SLC44A3: variants seen among roughly 807,000 people sequenced by gnomAD.
SLC44A3 encodes solute carrier family 44 member 3, also known as choline transporter-like protein 3.
SLC44A3 carries 74 observed loss-of-function variants against 75.4 expected under a neutral mutation model. That is an observed-to-expected ratio of 0.98 (90% CI 0.81 to 1.19). The LOEUF (loss-of-function observed/expected upper bound fraction) is 1.19, where lower values mean the gene tolerates loss of function less well. Among genes scored for constraint, SLC44A3 ranks in the 50% most tolerant of loss-of-function variants. The probability of loss-of-function intolerance (pLI) is 0.00; values close to 1 mark genes in which losing one functional copy is unlikely to be tolerated. For synonymous variants in SLC44A3, 310 were observed against 296.9 expected, an observed-to-expected ratio of 1.04 and a Z score of -0.45; for missense variants, 700 against 778.6, an observed-to-expected ratio of 0.90 and a Z score of 1.20.
At chr1:94,882,602 T>G (rs1669125152) in intron 12 of SLC44A3, among the ~76,000 whole-genome samples, 1 of 152,138 alleles carries the variant, frequency 6.6e-6, no homozygotes, top group South Asian at 2.1e-4. Context: ...AAGGTGACAC[T>G]TCGACACGGT....
Position 94,846,146 on chromosome 1 carries a change from C to CAAAA in SLC44A3, c.1072+696_1072+699dup, listed in dbSNP as rs66647106. On this transcript the variant is annotated intron_variant, in intron 9 of 14. Coordinates refer to ENST00000271227, the MANE Select transcript of SLC44A3 (RefSeq NM_001114106.3). The stretch of plus-strand genomic sequence containing the variant: ...TGGGTGACAGAGCAAGACTCTGTCT[C>CAAAA]AAAAAAAAAAAAAAAAAGTGTTATG... 1.1e-3 allele frequency among the ~76,000 whole-genome samples: 130 copies of CAAAA among 120,194 alleles called. 3 individuals carry two copies. Among genetic ancestry groups the CAAAA allele is most frequent in the African/African-American group, 3.7e-3 (118 of 31,508 alleles). The allele number at this position is 120,194 out of a possible 152,430, so 78.9% of individuals were successfully genotyped here. A position where few individuals can be genotyped will look rare whatever the true frequency, so the allele number is the denominator to read the frequency against.
intron 12 of SLC44A3, among the ~76,000 whole-genome samples, chr1:94,873,455 A>G (rs1048630296): frequency 3.3e-5 from 5 of 152,190 alleles, no homozygotes; most frequent in Non-Finnish European, 7.3e-5. Context: ...CAAGGCAGAG[A>G]AAAACCTGCT....
At chr1:94,891,607 C>T (rs1670220053) in intron 13 of SLC44A3, among the ~76,000 whole-genome samples, 1 of 152,074 alleles carries the variant, frequency 6.6e-6, no homozygotes, top group African/African-American at 2.4e-5. Context: ...GTGGGTTTCT[C>T]ATTAAGAATA....
chr1:94,886,183 G>A (rs1286425714), intron 12 of SLC44A3, among the ~76,000 whole-genome samples: 1 of 152,174 alleles, frequency 6.6e-6, no homozygotes, highest in Admixed American at 6.5e-5. Flanking sequence ...AGGCATTGTG[G>A]AGGTGCTTGG....
intron 9 of SLC44A3, among the ~76,000 whole-genome samples, chr1:94,847,731 G>C (rs964944479): frequency 1.3e-5 from 2 of 152,184 alleles, no homozygotes; most frequent in Non-Finnish European, 2.9e-5. Flanking sequence ...TGTCCCCCAG[G>C]CATCACAGTC....
intron 2 of SLC44A3, among the ~76,000 whole-genome samples, chr1:94,822,887 G>A (rs1660811243): frequency 6.6e-6 from 1 of 152,048 alleles, no homozygotes. Flanking sequence ...TTTGAAATTA[G>A]GACAATGAAG....
At chr1:94,871,248 G>A (rs1448385181) in intron 12 of SLC44A3, among the ~76,000 whole-genome samples, 1 of 152,194 alleles carries the variant, frequency 6.6e-6, no homozygotes, top group Non-Finnish European at 1.5e-5. Context: ...GACGGGAAAG[G>A]TGAAGGAGCA....
intron 8 of SLC44A3, among the ~76,000 whole-genome samples, chr1:94,843,884 G>T (rs368514127): frequency 4.7e-5 from 7 of 148,886 alleles, no homozygotes; most frequent in South Asian, 2.2e-4. Flanking sequence ...GGGGTGGGGG[G>T]GGTGGTCAGG....
At chr1:94,891,008 T>G (rs1571487686) in intron 12 of SLC44A3, 122 bp from the exon 13 acceptor site, 1 of 724,568 alleles carries the variant, frequency 1.4e-6, no homozygotes, top group East Asian at 2.8e-5. Context: ...AAAATGGTAT[T>G]TGTTATGGGT....
intron 14 of SLC44A3, 86 bp from the exon 15 acceptor site, chr1:94,894,721 AACCGTCAGAGG>A: frequency 1.0e-6 from 1 of 959,284 alleles, no homozygotes; most frequent in Non-Finnish European, 1.6e-6. Context: ...TTCTTCAGCA[AACCGTCAGAGG>A]GCAAAGGAGA....
intron 12 of SLC44A3, among the ~76,000 whole-genome samples, chr1:94,874,045 G>A (rs543463427): frequency 1.3e-5 from 2 of 152,256 alleles, no homozygotes; most frequent in East Asian, 3.9e-4. Flanking sequence ...GAGATGCCTC[G>A]TGTGTGCGTG....
At chr1:94,838,050 GC>G (rs1663057967) in intron 6 of SLC44A3, among the ~76,000 whole-genome samples, 179 bp downstream of exon 6, 1 of 152,374 alleles carries the variant, frequency 6.6e-6, no homozygotes, top group South Asian at 2.1e-4. Flanking sequence ...TAGAGGAGCG[GC>G]TGGCCCTCTG....
In SLC44A3 at chr1:94,845,603, G is replaced by A. The variant is rs552133933; in HGVS notation, c.1072+139G>A. ...TGATGACAGCAGCGTTGGTGCTTGG[G>A]GCTCTGTCATGGGGAAAAGTGGGAA... On this transcript the variant is annotated intron_variant, in intron 9 of 14. Coordinates refer to ENST00000271227, the MANE Select transcript of SLC44A3 (RefSeq NM_001114106.3). The A allele has an allele frequency of 5.6e-6, 4 of 716,810 alleles. No homozygotes were observed. In the South Asian group the frequency reaches 8.9e-5, roughly 16 times the overall value. 44.4% of individuals were successfully genotyped at this position (716,810 alleles called of 1,614,324 possible).
intron 3 of SLC44A3, 127 bp downstream of exon 3, chr1:94,824,762 G>C (rs1297090931): frequency 8.6e-7 from 1 of 1,156,732 alleles, no homozygotes; most frequent in Non-Finnish European, 1.2e-6. Flanking sequence ...AAAAAGGAAG[G>C]CTGTGTATAT....
At chr1:94,847,219 A>G (rs907044517) in intron 9 of SLC44A3, among the ~76,000 whole-genome samples, 2 of 152,254 alleles carry the variant, frequency 1.3e-5, no homozygotes, top group Non-Finnish European at 2.9e-5. Context: ...CCACATGGAG[A>G]GGATCCATGC....
At chr1:94,844,465 T>C (rs930770949) in intron 8 of SLC44A3, among the ~76,000 whole-genome samples, 1 of 151,988 alleles carries the variant, frequency 6.6e-6, no homozygotes, top group Non-Finnish European at 1.5e-5. Context: ...CCCCAGAAGA[T>C]CTCAAGAAGC....
At chr1:94,824,284 TTC>T (rs1429385862) in intron 2 of SLC44A3, among the ~76,000 whole-genome samples, 1 of 152,176 alleles carries the variant, frequency 6.6e-6, no homozygotes, top group Non-Finnish European at 1.5e-5. Context: ...GTGGATTAGA[TTC>T]TCTCTCTACC....
At position 94,840,020 on chromosome 1, in the gene SLC44A3, T is replaced by C; in HGVS notation, c.743T>C (p.Val248Ala). The change falls in exon 7 of 15, where the codon GTT becomes GCT. Residue 248 changes from valine to alanine, a missense_variant. Val to Ala is a moderately conservative substitution (Grantham distance 64). Transcript: ENST00000271227. The stretch of plus-strand genomic sequence containing the variant: ...CTGGTTCACATTTTCATTTCATTGG[T>C]TATTTTGGGATTGTTGTGTAAGTAT... ...TLLVHIFISLVILGLLFVCGV... is the reference protein window; with the variant it reads ...TLLVHIFISLAILGLLFVCGV... The C allele has an allele frequency of 6.2e-7, 1 of 1,613,406 alleles. No homozygotes were observed. Among genetic ancestry groups the C allele is most frequent in the Non-Finnish European group, 8.5e-7 (1 of 1,179,380 alleles).
chr1:94,820,499 C>A, intron 1 of SLC44A3, 21 bp downstream of exon 1: 1 of 1,489,794 alleles, frequency 6.7e-7, no homozygotes, highest in African/African-American at 1.4e-5. Context: ...GCAGCCTCGG[C>A]CCTCGGGGGA....
Sources: allele counts gnomAD v4.1 joint callset (sites outside exome capture counted in the v4.1 genomes callset), GRCh38; gene constraint gnomAD v4.1.1; transcripts MANE v1.5; gene names NCBI Gene and HGNC (gene_info 2026-07-23, HGNC 2026-07-21).